Variants in WFIKKN1 observed in about 807,000 individuals in gnomAD.
WFIKKN1 encodes the protein WAP, follistatin/kazal, immunoglobulin, kunitz and netrin domain containing 1.
In WFIKKN1, 6 loss-of-function variants were observed where a neutral mutation model predicts 4.6. The observed-to-expected ratio is 1.31, with a 90% confidence interval of 0.72 to 2.59. The LOEUF (loss-of-function observed/expected upper bound fraction) is 2.59. Ranked by LOEUF, WFIKKN1 falls within the 30% of genes most tolerant of loss-of-function variation. WFIKKN1 has a pLI of 0.00. For synonymous variants in WFIKKN1, 468 were observed against 367.4 expected, an observed-to-expected ratio of 1.27 and a Z score of -3.13; for missense variants, 964 against 818.0, an observed-to-expected ratio of 1.18 and a Z score of -2.18.
Position 633,106 on chromosome 16 carries a change from C to T in WFIKKN1, c.696C>T (p.Arg232=), listed in dbSNP as rs779107016. The T allele has an allele frequency of 6.2e-6, 10 of 1,611,840 alleles. No homozygotes were observed. The highest frequency in any genetic ancestry group is 5.9e-6 in the Non-Finnish European group (7 of 1,179,362). ...ACCAGCGAGAGAACCTGATCATGCGCCCTGATCAGATGTATGGCAACGTGG... is the reference window on the plus strand; with the variant it reads ...ACCAGCGAGAGAACCTGATCATGCGTCCTGATCAGATGTATGGCAACGTGG... The part of the protein sequence containing the change: ...QSHQRENLIM[R]PDQMYGNVVV... Residue 232 remains arginine (R), a synonymous_variant, in exon 2 of 2, where the codon CGC becomes CGT. Transcript: ENST00000319070.
Position 631,320 on chromosome 16 carries a change from C to T in WFIKKN1, c.67C>T (p.Leu23=). The stretch of plus-strand genomic sequence containing the variant: ...CCGGCTGACCTCGGGGGCTGGCTTG[C>T]TGCCAGGGCTGGGGAGCCACCCGGG... ...LLRLTSGAGL[L]PGLGSHPGVC... The change falls in exon 1 of 2, where the codon CTG becomes TTG. Residue 23 remains leucine (L), a synonymous_variant. Coordinates refer to ENST00000319070, the MANE Select transcript of WFIKKN1 (RefSeq NM_053284.3). 1 of 1,603,114 alleles carries T rather than the reference C, an allele frequency of 6.2e-7. No homozygotes were observed. Among genetic ancestry groups the T allele is most frequent in the Non-Finnish European group, 8.5e-7 (1 of 1,179,110 alleles).
chr16:631,373 C>G lies in WFIKKN1; in HGVS notation c.120C>G (p.Asn40Lys). 6.2e-7 allele frequency: 1 copy of G among 1,609,354 alleles called. No homozygotes were observed. Among genetic ancestry groups the G allele is most frequent in the Non-Finnish European group, 8.5e-7 (1 of 1,179,428 alleles). Residue 40 changes from asparagine to lysine, a missense_variant, in exon 1 of 2, where the codon AAC (asparagine) becomes AAG (lysine). Physicochemically the swap from Asn to Lys is moderately conservative, Grantham distance 94. Coordinates refer to ENST00000319070, the MANE Select transcript of WFIKKN1 (RefSeq NM_053284.3). ...TGTGCCCCAACCAGCTCAGCCCCAA[C>G]CTGTGGGTGGACGCCCAGAGCACCT... ...PGVCPNQLSPNLWVDAQSTCE... is the reference protein window; with the variant it reads ...PGVCPNQLSPKLWVDAQSTCE...
Position 633,826 on chromosome 16 carries a change from C to T in WFIKKN1, c.1416C>T (p.Phe472=), listed in dbSNP as rs973723994. 8.1e-6 allele frequency: 13 copies of T among 1,602,676 alleles called. No individual in the cohort carries two copies. Among genetic ancestry groups the T allele is most frequent in the Non-Finnish European group, 1.0e-5 (12 of 1,175,230 alleles). ...VLKDDKMGLK[F]LGTKYLEVTL... is the part of the protein sequence containing the mutation. The stretch of plus-strand genomic sequence containing the variant: ...AGGATGACAAGATGGGCCTCAAGTT[C>T]TTGGGCACCAAGTACCTGGAGGTGA... The change falls in exon 2 of 2, where the codon TTC becomes TTT. Residue 472 remains phenylalanine, a synonymous_variant. Transcript: ENST00000319070.
chr16:632,440 A>G, intron 1 of WFIKKN1, 142 bp from the exon 2 acceptor site: 1 of 1,098,674 alleles, frequency 9.1e-7, no homozygotes, highest in Non-Finnish European at 1.2e-6. Context: ...CACAGGATGG[A>G]AAGGACACTG....
rs1432553540 is a variant in WFIKKN1 at position 633,318 on chromosome 16, T to G, written c.908T>G (p.Val303Gly). The G allele has an allele frequency of 1.1e-5, 18 of 1,593,498 alleles. No individual in the cohort carries two copies. Among genetic ancestry groups the G allele is most frequent in the Non-Finnish European group, 1.5e-5 (18 of 1,174,662 alleles). ...IPAPAECLPD[V>G]QACTGPTSPH... is the part of the protein sequence containing the mutation. ...GCCCCGGCCGAGTGCCTGCCGGATG[T>G]GCAGGCCTGCACGGGCCCCACTTCC... The change falls in exon 2 of 2, where the codon GTG (valine) becomes GGG (glycine). Residue 303 changes from valine (V) to glycine (G), a missense_variant. Physicochemically the swap from Val to Gly is moderately radical, Grantham distance 109. Coordinates refer to ENST00000319070, the MANE Select transcript of WFIKKN1 (RefSeq NM_053284.3).
At position 633,617 on chromosome 16, in the gene WFIKKN1, G is replaced by A. The variant is rs748887303; in HGVS notation, c.1207G>A (p.Glu403Lys). 2.0e-5 allele frequency: 32 copies of A among 1,572,130 alleles called. No individual in the cohort carries two copies. Among genetic ancestry groups the A allele is most frequent in the Middle Eastern group, 1.7e-4 (1 of 5,978 alleles). ...CAACGGCAACAACTTCCACAGCCGC[G>A]AGAGCTGCGAGGATGCCTGCCCCGT... The part of the protein sequence containing the change: ...EGNGNNFHSR[E>K]SCEDACPVPR... Residue 403 changes from glutamate to lysine, a missense_variant, in exon 2 of 2, where the codon GAG (glutamate) becomes AAG (lysine). Physicochemically the swap from Glu to Lys is moderately conservative, Grantham distance 56 (BLOSUM62 1). Transcript: ENST00000319070.
chr16:633,438 C>T lies in WFIKKN1; in HGVS notation c.1028C>T (p.Thr343Ile). 6.5e-7 allele frequency: 1 copy of T among 1,546,806 alleles called. No individual in the cohort carries two copies. The highest frequency in any genetic ancestry group is 8.7e-7 in the Non-Finnish European group (1 of 1,154,510). ...GATGGGGCGGCCCGCGGCTTTGAGA[C>T]CTACGAGGCATGCCAGCAGGCCTGT... is the stretch of plus-strand genomic sequence containing the variant. ...GCDGAARGFE[T>I]YEACQQACAR... Residue 343 changes from threonine to isoleucine, a missense_variant, in exon 2 of 2, where the codon ACC becomes ATC. By Grantham distance (89) the Thr-to-Ile change is moderately conservative (BLOSUM62 -1). Coordinates refer to ENST00000319070, the MANE Select transcript of WFIKKN1 (RefSeq NM_053284.3).
Position 634,058 on chromosome 16 carries a change from C to A in WFIKKN1, c.*1C>A. 1.3e-6 allele frequency: 2 copies of A among 1,566,462 alleles called. No individual in the cohort carries two copies. Among genetic ancestry groups the A allele is most frequent in the East Asian group, 2.3e-5 (1 of 44,050 alleles). On this transcript the variant is annotated 3_prime_UTR_variant, in exon 2 of 2. Transcript: ENST00000319070. ...GCTGCTCAACCGCTTCCAGGACTAG[C>A]CCCCGCAGGGGCCTGCGCCACCCCG...
chr16:632,826 G>A lies in WFIKKN1; in HGVS notation c.416G>A (p.Cys139Tyr). 6.3e-7 allele frequency: 1 copy of A among 1,581,152 alleles called. No homozygotes were observed. The highest frequency in any genetic ancestry group is 8.6e-7 in the Non-Finnish European group (1 of 1,161,296). Residue 139 changes from cysteine (C) to tyrosine (Y), a missense_variant, in exon 2 of 2, where the codon TGC becomes TAC. Physicochemically the swap from Cys to Tyr is radical, Grantham distance 194. Transcript: ENST00000319070. ...GACGGCCTCACCTACTACAACCGCT[G>A]CTATATGGACGCCGAGGCCTGCCTG... ...ASDGLTYYNR[C>Y]YMDAEACLRG...
chr16:633,245 T>C lies in WFIKKN1; in HGVS notation c.835T>C (p.Ser279Pro). 2 of 1,587,596 alleles carry C rather than the reference T, an allele frequency of 1.3e-6. No homozygotes were observed. Among genetic ancestry groups the C allele is most frequent in the African/African-American group, 1.3e-5 (1 of 74,192 alleles). ...AGLLRADFPLSVVQREPARDA... is the reference protein window; with the variant it reads ...AGLLRADFPLPVVQREPARDA... ...GCTGCTGCGGGCTGACTTCCCACTCTCTGTGGTCCAGCGAGAGCCGGCCAG... is the reference window on the plus strand; with the variant it reads ...GCTGCTGCGGGCTGACTTCCCACTCCCTGTGGTCCAGCGAGAGCCGGCCAG... The change falls in exon 2 of 2, where the codon TCT becomes CCT. Residue 279 changes from serine (S) to proline (P), a missense_variant. Physicochemically the swap from Ser to Pro is moderately conservative, Grantham distance 74. Coordinates refer to ENST00000319070, the MANE Select transcript of WFIKKN1 (RefSeq NM_053284.3).
At chr16:631,518 C>A in intron 1 of WFIKKN1, 94 bp downstream of exon 1, 5 of 1,482,480 alleles carry the variant, frequency 3.4e-6, no homozygotes, top group Non-Finnish European at 4.5e-6. Flanking sequence ...GCTCCCCAGA[C>A]TTCTGGGGGG....
rs1380157165 is a variant in WFIKKN1 at position 633,063 on chromosome 16, C to T, written c.653C>T (p.Thr218Ile). ...DVSGRPPPAV[T>I]WEKQSHQREN... ...AGCGGCCGCCCGCCGCCTGCTGTGA[C>T]CTGGGAGAAGCAGAGTCACCAGCGA... The change falls in exon 2 of 2, where the codon ACC (threonine) becomes ATC (isoleucine). Residue 218 changes from threonine (T) to isoleucine (I), a missense_variant. Thr to Ile is a moderately conservative substitution (Grantham distance 89). Coordinates refer to ENST00000319070, the MANE Select transcript of WFIKKN1 (RefSeq NM_053284.3). 6 of 1,612,036 alleles carry T rather than the reference C, an allele frequency of 3.7e-6. No homozygotes were observed. The African/African-American group carries it at 8.0e-5, about 22-fold the overall frequency.
chr16:632,368 C>G lies in WFIKKN1; in HGVS notation c.172-214C>G, dbSNP rs1010893984. 5 of 510,610 alleles carry G rather than the reference C, an allele frequency of 9.8e-6. No individual in the cohort carries two copies. In the African/African-American group the frequency reaches 1.0e-4, roughly 10 times the overall value. The allele number at this position is 510,610 out of a possible 1,614,324, so 31.6% of individuals were successfully genotyped here. A position where few individuals can be genotyped will look rare whatever the true frequency, so the allele number is the denominator to read the frequency against. On this transcript the variant is annotated intron_variant, in intron 1 of 1. Coordinates refer to ENST00000319070, the MANE Select transcript of WFIKKN1 (RefSeq NM_053284.3). The stretch of plus-strand genomic sequence containing the variant: ...ACAACGTAAAGAATAACGGAACTTG[C>G]TTGTGGGTGTGAGGATTCTGGAAGG...
rs1397590616 is a variant in WFIKKN1, at chr16:633,958, C to G, written c.1548C>G (p.Ala516=). The G allele has an allele frequency of 6.3e-7, 1 of 1,596,810 alleles. No individual in the cohort carries two copies. Among genetic ancestry groups the G allele is most frequent in the Non-Finnish European group, 8.5e-7 (1 of 1,172,666 alleles). ...GCGATGGCGTGGCCGTGCTGGACGC[C>G]GGCAGCTACGTCCGCGCCGCCAGCG... ...EVRDGVAVLD[A]GSYVRAASEK... is the part of the protein sequence containing the mutation. The change falls in exon 2 of 2, where the codon GCC becomes GCG. Residue 516 remains alanine, a synonymous_variant. Coordinates refer to ENST00000319070, the MANE Select transcript of WFIKKN1 (RefSeq NM_053284.3).
chr16:631,020 A>G lies in WFIKKN1; in HGVS notation c.-234A>G, dbSNP rs150962813. The stretch of plus-strand genomic sequence containing the variant: ...GCCAGGCTGAAGCTGGAGAGGAACC[A>G]GCGTCACACAGACGGCCTCTGAGAA... On this transcript the variant is annotated 5_prime_UTR_variant, in exon 1 of 2. Transcript: ENST00000319070. 1.5e-3 allele frequency: 812 copies of G among 547,876 alleles called. 7 individuals carry two copies. Among genetic ancestry groups the G allele is most frequent in the African/African-American group, 0.014 (707 of 50,738 alleles). 33.9% of individuals were successfully genotyped at this position (547,876 alleles called of 1,614,324 possible).
Position 631,204 on chromosome 16 carries a change from G to A in WFIKKN1, c.-50G>A, listed in dbSNP as rs558495673. On this transcript the variant is annotated 5_prime_UTR_variant, in exon 1 of 2. Coordinates refer to ENST00000319070, the MANE Select transcript of WFIKKN1 (RefSeq NM_053284.3). Reference sequence around the variant, plus strand: ...CAGGAAGCTGGGCTCTGTGGAGCCCGAGGAGGGGCTGGTGGCCACACCCCC... The same window carrying A: ...CAGGAAGCTGGGCTCTGTGGAGCCCAAGGAGGGGCTGGTGGCCACACCCCC... 5.2e-5 allele frequency: 79 copies of A among 1,516,380 alleles called. No individual in the cohort carries two copies. The highest frequency in any genetic ancestry group is 4.6e-4 in the Middle Eastern group (2 of 4,312). 93.9% of individuals were successfully genotyped at this position (1,516,380 alleles called of 1,614,324 possible). A position where few individuals can be genotyped will look rare whatever the true frequency, so the allele number is the denominator to read the frequency against.
chr16:633,342 C>A lies in WFIKKN1; in HGVS notation c.932C>A (p.Ser311Tyr), dbSNP rs769791088. The A allele has an allele frequency of 1.8e-5, 28 of 1,579,736 alleles. No homozygotes were observed. Among genetic ancestry groups the A allele is most frequent in the African/African-American group, 2.7e-5 (2 of 73,742 alleles). ...PDVQACTGPT[S>Y]PHLVLWHYDP... ...GTGCAGGCCTGCACGGGCCCCACTT[C>A]CCCACACCTTGTCCTCTGGCACTAC... Residue 311 changes from serine (S) to tyrosine (Y), a missense_variant, in exon 2 of 2, where the codon TCC becomes TAC. Ser to Tyr is a moderately radical substitution (Grantham distance 144). Transcript: ENST00000319070.
rs1284354864 is a variant in WFIKKN1 at position 632,851 on chromosome 16, G to A, written c.441G>A (p.Leu147=). 6.4e-7 allele frequency: 1 copy of A among 1,573,740 alleles called. No homozygotes were observed. The highest frequency in any genetic ancestry group is 2.3e-5 in the East Asian group (1 of 44,174). ...GCTATATGGACGCCGAGGCCTGCCT[G>A]CGGGGCCTGCACCTCCACATCGTGC... ...NRCYMDAEAC[L]RGLHLHIVPC... is the part of the protein sequence containing the mutation. Residue 147 remains leucine, a synonymous_variant, in exon 2 of 2, where the codon CTG becomes CTA. Coordinates refer to ENST00000319070, the MANE Select transcript of WFIKKN1 (RefSeq NM_053284.3).
Position 633,525 on chromosome 16 carries a change from A to G in WFIKKN1, c.1115A>G (p.Glu372Gly). 1.3e-6 allele frequency: 2 copies of G among 1,509,552 alleles called. No homozygotes were observed. Among genetic ancestry groups the G allele is most frequent in the Non-Finnish European group, 1.8e-6 (2 of 1,138,734 alleles). 93.5% of individuals were successfully genotyped at this position (1,509,552 alleles called of 1,614,324 possible). A position where few individuals can be genotyped will look rare whatever the true frequency, so the allele number is the denominator to read the frequency against. The change falls in exon 2 of 2, where the codon GAG becomes GGG. Residue 372 changes from glutamate (E) to glycine (G), a missense_variant. By Grantham distance (98) the Glu-to-Gly change is moderately conservative. Transcript: ENST00000319070. ...PAVQGPCRGW[E>G]PRWAYSPLLQ... The stretch of plus-strand genomic sequence containing the variant: ...GTGCAGGGCCCCTGCCGGGGCTGGG[A>G]GCCGCGCTGGGCCTACAGCCCGCTG...
Sources: gnomAD v4.1 joint callset for allele counts on GRCh38, gnomAD v4.1.1 for gene constraint, MANE v1.5 for transcripts, NCBI Gene and HGNC (gene_info 2026-07-23, HGNC 2026-07-21) for gene names.